IL12RB2: variants seen among roughly 807,000 people sequenced by gnomAD.
The protein encoded by IL12RB2 is interleukin 12 receptor subunit beta 2.
In IL12RB2, 82 loss-of-function variants were observed where a neutral mutation model predicts 89.4. The ratio of observed to expected loss-of-function variants is 0.92; its 90% CI spans 0.77 to 1.10. IL12RB2 has a LOEUF of 1.10. IL12RB2 is among the 50% of genes least tolerant of loss of function. IL12RB2 has a pLI of 0.00. For synonymous variants in IL12RB2, 368 were observed against 370.1 expected (o/e 0.99, Z 0.07); for missense variants, 963 against 1,031.9 (o/e 0.93, Z 0.92).
At chr1:67,380,241 C>A in intron 14 of IL12RB2, 118 bp downstream of exon 14, 2 of 1,050,788 alleles carry the variant, frequency 1.9e-6, no homozygotes, top group African/African-American at 1.6e-5. Flanking sequence ...AACTTTCTTG[C>A]TGTCACTTTA....
At chr1:67,310,705 G>A (rs776737385) in intron 1 of IL12RB2, among the ~76,000 whole-genome samples, 3 of 152,124 alleles carry the variant, frequency 2.0e-5, no homozygotes, top group Non-Finnish European at 4.4e-5. Context: ...ACAATCCTGT[G>A]AGATAGGTGC....
chr1:67,337,166 T>C (rs1054873677), intron 8 of IL12RB2, among the ~76,000 whole-genome samples: 1 of 152,156 alleles, frequency 6.6e-6, no homozygotes, highest in African/African-American at 2.4e-5. Flanking sequence ...CTCCCTTTCT[T>C]TCTCTTTTGC....
rs996092742 is a variant in IL12RB2, at chr1:67,337,685, G to A, written c.959-939G>A. Among the ~76,000 whole-genome samples, 9 of 151,930 alleles carry A rather than the reference G, an allele frequency of 5.9e-5. No homozygotes were observed. In the South Asian group the frequency reaches 6.2e-4, roughly 11 times the overall value. The stretch of plus-strand genomic sequence containing the variant: ...GAGCCTATTATATTCTAAGTGCTGC[G>A]CTGGGTATGTGGCATATTAAATGAG... On this transcript the variant is annotated intron_variant, in intron 8 of 16. Coordinates refer to ENST00000674203, the MANE Select transcript of IL12RB2 (RefSeq NM_001374259.2).
intron 8 of IL12RB2, among the ~76,000 whole-genome samples, chr1:67,334,625 C>G (rs374914580): frequency 0.47 from 71,669 of 151,434 alleles, 19,634 homozygotes; most frequent in Non-Finnish European, 0.6. Flanking sequence ...ACTACAGGCA[C>G]CCCGCCACCA....
chr1:67,337,913 A>AAAAAAAG (rs1266084273), intron 8 of IL12RB2, among the ~76,000 whole-genome samples: 1 of 144,706 alleles, frequency 6.9e-6, no homozygotes. Context: ...AAAAAAAAAA[A>AAAAAAAG]AAAAGAAAAG....
Position 67,330,661 on chromosome 1 carries a change from T to C in IL12RB2, c.809T>C (p.Val270Ala). The C allele has an allele frequency of 6.7e-7, 1 of 1,491,180 alleles. No homozygotes were observed. The highest frequency in any genetic ancestry group is 1.1e-5 in the South Asian group (1 of 88,620). The allele number at this position is 1,491,180 out of a possible 1,614,324, so 92.4% of individuals were successfully genotyped here. The change falls in exon 8 of 17, where the codon GTT (valine) becomes GCT (alanine). Residue 270 changes from valine to alanine, a missense_variant and splice_region_variant. Val to Ala is a moderately conservative substitution (Grantham distance 64). Transcript: ENST00000674203. Reference sequence around the variant, plus strand: ...CTTTAAAAAAATGTCTGTTTCAAGGTTAATGTTACAAAGGCCAAAGGAAGA... The same window carrying C: ...CTTTAAAAAAATGTCTGTTTCAAGGCTAATGTTACAAAGGCCAAAGGAAGA... ...RPSNSRLWNM[V>A]NVTKAKGRHD...
chr1:67,336,251 A>G (rs1458380591), intron 8 of IL12RB2, among the ~76,000 whole-genome samples: 1 of 152,174 alleles, frequency 6.6e-6, no homozygotes, highest in Non-Finnish European at 1.5e-5. Flanking sequence ...TCTTTTGTAA[A>G]TCATTTAACT....
chr1:67,326,647 A>T (rs779749580), intron 4 of IL12RB2, 88 bp from the exon 5 acceptor site: 2 of 1,541,922 alleles, frequency 1.3e-6, no homozygotes, highest in Non-Finnish European at 1.8e-6. Context: ...CATGTGGGGG[A>T]CGTATTGTCA....
In IL12RB2 at chr1:67,379,509, C is replaced by CAAAA. The variant is rs58494224; in HGVS notation, c.1718-458_1718-455dup. 6.7e-3 allele frequency among the ~76,000 whole-genome samples: 460 copies of CAAAA among 68,474 alleles called. 16 individuals carry two copies. Among genetic ancestry groups the CAAAA allele is most frequent in the African/African-American group, 0.024 (404 of 17,048 alleles). 44.9% of individuals were successfully genotyped at this position (68,474 alleles called of 152,430 possible). On this transcript the variant is annotated intron_variant, in intron 13 of 16. Coordinates refer to ENST00000674203, the MANE Select transcript of IL12RB2 (RefSeq NM_001374259.2). ...TGGGCGACAGAGCAAGAACCTGTCT[C>CAAAA]AAAAAAAAAAAAAAAAAAAAAAGTT...
intron 4 of IL12RB2, among the ~76,000 whole-genome samples, chr1:67,323,206 A>C (rs1656813750): frequency 1.3e-5 from 2 of 152,198 alleles, no homozygotes; most frequent in Non-Finnish European, 2.9e-5. Context: ...GGAGCAGAAG[A>C]CCAAGCAAAT....
intron 4 of IL12RB2, among the ~76,000 whole-genome samples, chr1:67,322,164 G>T (rs1454649379): frequency 6.6e-6 from 1 of 151,994 alleles, no homozygotes; most frequent in African/African-American, 2.4e-5. Context: ...ATCTCTGCAG[G>T]TGGGTCTTTA....
At chr1:67,394,446 G>C (rs1478617835) in intron 16 of IL12RB2, among the ~76,000 whole-genome samples, 2 of 152,162 alleles carry the variant, frequency 1.3e-5, no homozygotes, top group African/African-American at 4.8e-5. Flanking sequence ...TGAAGAGCTG[G>C]TCACCGGCAG....
At chr1:67,326,943 T>TTTTTTTATTTATTTA (rs1553310359) in intron 5 of IL12RB2, 94 bp downstream of exon 5, 1 of 689,502 alleles carries the variant, frequency 1.5e-6, no homozygotes, top group Non-Finnish European at 1.8e-6. Context: ...TTTTATTTTA[T>TTTTTTTATTTATTTA]TTTATTTATT....
chr1:67,316,292 C>T (rs2066445), intron 2 of IL12RB2, among the ~76,000 whole-genome samples: 36,381 of 151,868 alleles, frequency 0.24, 4,812 homozygotes, highest in African/African-American at 0.35. Context: ...ATAAGTAAGG[C>T]TTCCTGAAAT....
intron 13 of IL12RB2, among the ~76,000 whole-genome samples, chr1:67,377,639 C>T (rs1342430561): frequency 6.6e-6 from 1 of 152,034 alleles, no homozygotes; most frequent in African/African-American, 2.4e-5. Flanking sequence ...TCACTGAATG[C>T]TAATCAAAGC....
In IL12RB2 at chr1:67,372,853, T is replaced by C. The variant is rs1237301012; in HGVS notation, c.1717+70T>C. The C allele has an allele frequency of 5.0e-6, 5 of 1,002,448 alleles. No homozygotes were observed. In the Admixed American group the frequency reaches 8.4e-5, roughly 17 times the overall value. 62.1% of individuals were successfully genotyped at this position (1,002,448 alleles called of 1,614,324 possible). On this transcript the variant is annotated intron_variant, in intron 13 of 16. Coordinates refer to ENST00000674203, the MANE Select transcript of IL12RB2 (RefSeq NM_001374259.2). ...GATGTCAGGAAAACACAAGGAGGTGTGTGTGCACATCTACACACATGTGCT... is the reference window on the plus strand; with the variant it reads ...GATGTCAGGAAAACACAAGGAGGTGCGTGTGCACATCTACACACATGTGCT...
At chr1:67,365,194 G>A (rs1662541382) in intron 10 of IL12RB2, among the ~76,000 whole-genome samples, 2 of 152,062 alleles carry the variant, frequency 1.3e-5, no homozygotes, top group Admixed American at 6.6e-5. Context: ...CATTAGAAAA[G>A]AAGAGAGGTC....
chr1:67,333,445 G>C (rs1404262087), intron 8 of IL12RB2, among the ~76,000 whole-genome samples: 2 of 146,116 alleles, frequency 1.4e-5, no homozygotes, highest in Non-Finnish European at 3.0e-5. Flanking sequence ...CTACAACAGA[G>C]TCAGCCTTTT....
intron 10 of IL12RB2, among the ~76,000 whole-genome samples, chr1:67,365,932 G>A (rs1393302772): frequency 6.6e-6 from 1 of 152,092 alleles, no homozygotes; most frequent in Non-Finnish European, 1.5e-5. Context: ...CAACATCAAA[G>A]TAGCTATATA....
Sources: gnomAD v4.1 joint callset for allele counts (sites outside exome capture counted in the v4.1 genomes callset) on GRCh38, gnomAD v4.1.1 for gene constraint, MANE v1.5 for transcripts, NCBI Gene and HGNC (gene_info 2026-07-23, HGNC 2026-07-21) for gene names.